The following CORO6 variants were observed in gnomAD, a reference collection of about 807,000 sequenced individuals.
CORO6 encodes the protein coronin-6.
In CORO6, 43 loss-of-function variants were observed where a neutral mutation model predicts 49.0. That is an observed-to-expected ratio of 0.88 (90% CI 0.69 to 1.13). The LOEUF is 1.13. Among genes scored for constraint, CORO6 ranks in the 50% most tolerant of loss-of-function variants. The pLI is 0.00. For synonymous variants in CORO6, 233 were observed against 256.5 expected (o/e 0.91, Z 0.88); for missense variants, 650 against 647.0 (o/e 1.00, Z -0.05).
At chr17:29,618,079 A>T in intron 5 of CORO6, 1 of 1,500,694 alleles carries the variant, frequency 6.7e-7, no homozygotes, top group Non-Finnish European at 8.8e-7. Context: ...CCGCTCACTC[A>T]TCCTGCTGAA....
Position 29,618,861 on chromosome 17 carries a change from T to C in CORO6, c.562A>G (p.Ser188Gly), listed in dbSNP as rs923411155. 4 of 1,613,896 alleles carry C rather than the reference T, an allele frequency of 2.5e-6. No homozygotes were observed. The African/African-American group carries it at 5.3e-5, about 22-fold the overall frequency. The change falls in exon 5 of 11, where the codon AGC becomes GGC. Residue 188 changes from serine to glycine, a missense_variant. By Grantham distance (56) the Ser-to-Gly change is moderately conservative. Coordinates refer to ENST00000388767, the MANE Select transcript of CORO6 (RefSeq NM_032854.4). ...IHSVCWNSNG[S>G]LLATTCKDKT... ...TCCTTGCAGGTGGTGGCTAGCAGGC[T>C]ACCGTTGCTGTTCCAGCACACACTG...
chr17:29,618,421 C>T, intron 5 of CORO6: 4 of 1,287,684 alleles, frequency 3.1e-6, no homozygotes, highest in Non-Finnish European at 3.9e-6. Flanking sequence ...GGCCCCAGAC[C>T]CTGGAAGATG....
At position 29,620,053 on chromosome 17, in the gene CORO6, C is replaced by G. The variant is rs184625815; in HGVS notation, c.199-280G>C. ...GAGATTTGAACTTTCCAGCCCAGTGCTCTTCCAAAGACACCTACTTGGAGG... is the reference window on the plus strand; with the variant it reads ...GAGATTTGAACTTTCCAGCCCAGTGGTCTTCCAAAGACACCTACTTGGAGG... On this transcript the variant is annotated intron_variant, in intron 2 of 10. Transcript: ENST00000388767. Among the ~76,000 whole-genome samples, 507 of 152,330 alleles carry G rather than the reference C, an allele frequency of 3.3e-3. 3 individuals are homozygous for G. The highest frequency in any genetic ancestry group is 4.3e-3 in the Non-Finnish European group (293 of 68,026).
chr17:29,616,369 A>G lies in CORO6; in HGVS notation c.1005-33T>C, dbSNP rs551582326. Reference sequence around the variant, plus strand: ...GGAGCAGGGTTCAGCACCCTCGCAGACTTCCACGTCCTTAACTTCTCCTGT... The same window carrying G: ...GGAGCAGGGTTCAGCACCCTCGCAGGCTTCCACGTCCTTAACTTCTCCTGT... On this transcript the variant is annotated intron_variant, in intron 8 of 10. Transcript: ENST00000388767. The surrounding 1 kb of genome is among the most constrained non-coding windows in gnomAD (Gnocchi z 5.6). 1.3e-6 allele frequency: 2 copies of G among 1,576,776 alleles called. No homozygotes were observed. The highest frequency in any genetic ancestry group is 2.3e-5 in the South Asian group (2 of 87,332).
chr17:29,616,649 A>T lies in CORO6; in HGVS notation c.1004+53T>A. ...GGAAGCCCCGTGGCTAGGACCCGAC[A>T]TGAGTGGGGGACAGAGGCGGGTAGG... On this transcript the variant is annotated intron_variant, in intron 8 of 10. Transcript: ENST00000388767. This position sits in a 1 kb window ranked among gnomAD's most constrained non-coding sequence, Gnocchi z 5.6. 8.2e-6 allele frequency: 13 copies of T among 1,593,914 alleles called. No homozygotes were observed. Among genetic ancestry groups the T allele is most frequent in the Non-Finnish European group, 8.6e-6 (10 of 1,164,586 alleles).
chr17:29,620,862 C>G (rs1190044829), intron 2 of CORO6, among the ~76,000 whole-genome samples: 1 of 152,088 alleles, frequency 6.6e-6, no homozygotes, highest in Non-Finnish European at 1.5e-5. Flanking sequence ...GGAGGAGGTT[C>G]TCCACACCCA....
chr17:29,620,422 G>A (rs2035250054), intron 2 of CORO6, among the ~76,000 whole-genome samples: 1 of 152,212 alleles, frequency 6.6e-6, no homozygotes, highest in South Asian at 2.1e-4. Context: ...GGAGGAGGCA[G>A]CTCCGGCTGA....
At chr17:29,618,179 G>A in intron 5 of CORO6, 3 of 1,358,796 alleles carry the variant, frequency 2.2e-6, no homozygotes, top group East Asian at 6.1e-5. Context: ...TGCTCGCCGG[G>A]TTAGTGGGTT....
intron 6 of CORO6, 61 bp from the exon 7 acceptor site, chr17:29,617,103 C>T (rs976816977): frequency 3.1e-6 from 5 of 1,590,108 alleles, no homozygotes; most frequent in Non-Finnish European, 4.3e-6. Context: ...CTTCGGGACC[C>T]CCAGAAGCCC....
At chr17:29,617,211 G>GCACATAGCTCCTCCTCCCCTGCA in intron 6 of CORO6, 169 bp from the exon 7 acceptor site, 2 of 1,537,420 alleles carry the variant, frequency 1.3e-6, no homozygotes, top group East Asian at 4.9e-5. Flanking sequence ...CCTCCCCTGC[G>GCACATAGCTCCTCCTCCCCTGCA]CACATAGCTC....
In CORO6 at chr17:29,622,908, A is replaced by G; in HGVS notation, c.-284T>C. 3 of 1,114,332 alleles carry G rather than the reference A, an allele frequency of 2.7e-6. No individual in the cohort carries two copies. Among genetic ancestry groups the G allele is most frequent in the East Asian group, 9.3e-5 (1 of 10,792 alleles). 69.0% of individuals were successfully genotyped at this position (1,114,332 alleles called of 1,614,324 possible). ...CAGCTGCCGCTGCCATCAACCTAAG[A>G]GGGCGGGGCTAGCATAGGGGCGGGG... On this transcript the variant is annotated 5_prime_UTR_variant, in exon 1 of 11. Transcript: ENST00000388767.
Position 29,618,790 on chromosome 17 carries a change from C to T in CORO6, c.633G>A (p.Ala211=). 1.2e-6 allele frequency: 2 copies of T among 1,613,050 alleles called. No homozygotes were observed. Among genetic ancestry groups the T allele is most frequent in the Non-Finnish European group, 1.7e-6 (2 of 1,179,696 alleles). ...IIDPRKGQVV[A]ERFAAHEGMR... ...GGGAGTGGCCAGGCCAGGCACTCACCGCCACCACTTGGCCTTTTCTGGGGT... is the reference window on the plus strand; with the variant it reads ...GGGAGTGGCCAGGCCAGGCACTCACTGCCACCACTTGGCCTTTTCTGGGGT... Residue 211 remains alanine, a splice_region_variant and synonymous_variant, in exon 5 of 11, where the codon GCG becomes GCA. Transcript: ENST00000388767.
rs773559369 is a variant in CORO6, at chr17:29,622,752, T to A, written c.-128A>T. ...CCTCTGCGGAAGGGGCCCGAGTGCG[T>A]AGGGGGCCGAGGAAGGCTTCAGGGC... On this transcript the variant is annotated 5_prime_UTR_variant, in exon 1 of 11. Coordinates refer to ENST00000388767, the MANE Select transcript of CORO6 (RefSeq NM_032854.4). The A allele has an allele frequency of 1.5e-6, 2 of 1,321,014 alleles. No individual in the cohort carries two copies. Among genetic ancestry groups the A allele is most frequent in the Non-Finnish European group, 2.0e-6 (2 of 1,000,958 alleles). 81.8% of individuals were successfully genotyped at this position (1,321,014 alleles called of 1,614,324 possible).
chr17:29,617,254 G>A, intron 6 of CORO6: 4 of 1,535,252 alleles, frequency 2.6e-6, no homozygotes, highest in Non-Finnish European at 3.5e-6. Context: ...GCTGCGCGCC[G>A]CATGCAGTCA....
At position 29,616,855 on chromosome 17, in the gene CORO6, ATCAG is replaced by A; in HGVS notation, c.859-12_859-9del. On this transcript the variant is annotated splice_polypyrimidine_tract_variant and intron_variant, in intron 7 of 10. Coordinates refer to ENST00000388767, the MANE Select transcript of CORO6 (RefSeq NM_032854.4). This position sits in a 1 kb window ranked among gnomAD's most constrained non-coding sequence, Gnocchi z 5.6. ...CCGAATGCTGCTGTCGCCCTGCAAAATCAGTCGGTTCAGGGGCGCGCCCGGACAA... is the reference window on the plus strand; with the variant it reads ...CCGAATGCTGCTGTCGCCCTGCAAAATCGGTTCAGGGGCGCGCCCGGACAA... 1 of 1,612,820 alleles carries A rather than the reference ATCAG, an allele frequency of 6.2e-7. No individual in the cohort carries two copies. The highest frequency in any genetic ancestry group is 1.1e-5 in the South Asian group (1 of 91,074).
chr17:29,617,629 G>A lies in CORO6; in HGVS notation c.634-10C>T, dbSNP rs771711028. The A allele has an allele frequency of 1.9e-6, 3 of 1,581,250 alleles. No homozygotes were observed. In the South Asian group the frequency reaches 3.4e-5, roughly 18 times the overall value. On this transcript the variant is annotated splice_polypyrimidine_tract_variant and intron_variant, in intron 5 of 10. Coordinates refer to ENST00000388767, the MANE Select transcript of CORO6 (RefSeq NM_032854.4). The stretch of plus-strand genomic sequence containing the variant: ...GGGCCGCAAACCTCTCCTGGGGGGA[G>A]GGGGAGACAGGGAGGGACATCACCC...
chr17:29,616,391 C>T lies in CORO6; in HGVS notation c.1005-55G>A. 1.3e-6 allele frequency: 2 copies of T among 1,520,996 alleles called. No individual in the cohort carries two copies. The highest frequency in any genetic ancestry group is 1.8e-6 in the Non-Finnish European group (2 of 1,128,822). 94.2% of individuals were successfully genotyped at this position (1,520,996 alleles called of 1,614,324 possible). A position where few individuals can be genotyped will look rare whatever the true frequency, so the allele number is the denominator to read the frequency against. On this transcript the variant is annotated intron_variant, in intron 8 of 10. Coordinates refer to ENST00000388767, the MANE Select transcript of CORO6 (RefSeq NM_032854.4). The surrounding 1 kb of genome is among the most constrained non-coding windows in gnomAD (Gnocchi z 5.6). ...CAGACTTCCACGTCCTTAACTTCTC[C>T]TGTCTAAGACCAAGGGGGTTGGAGG...
rs774290038 is a variant in CORO6, at chr17:29,616,205, C to T, written c.1063-30G>A. On this transcript the variant is annotated intron_variant, in intron 9 of 10. Transcript: ENST00000388767. The surrounding 1 kb of genome is among the most constrained non-coding windows in gnomAD (Gnocchi z 5.6). ...GGGGGTGGGTGGACAGGAGGACTTG[C>T]GTGAGAGGGTGCGGGGCTTGCTCCG... The T allele has an allele frequency of 3.7e-6, 6 of 1,610,110 alleles. No homozygotes were observed. Among genetic ancestry groups the T allele is most frequent in the South Asian group, 1.1e-5 (1 of 90,724 alleles).
At position 29,621,636 on chromosome 17, in the gene CORO6, G is replaced by T. The variant is rs1598648225; in HGVS notation, c.-63-152C>A. ...GGAAAGTTATTTTGCTGTGTAAAATGCTGTTTAATGTAAGTGGCTAGGATT... is the reference window on the plus strand; with the variant it reads ...GGAAAGTTATTTTGCTGTGTAAAATTCTGTTTAATGTAAGTGGCTAGGATT... On this transcript the variant is annotated intron_variant, in intron 1 of 10. Transcript: ENST00000388767. This position sits in a 1 kb window ranked among gnomAD's most constrained non-coding sequence, Gnocchi z 4.2. The T allele has an allele frequency of 1.3e-6, 1 of 783,756 alleles. No individual in the cohort carries two copies. Among genetic ancestry groups the T allele is most frequent in the Non-Finnish European group, 2.0e-6 (1 of 507,318 alleles). The allele number at this position is 783,756 out of a possible 1,614,324, so 48.6% of individuals were successfully genotyped here. A position where few individuals can be genotyped will look rare whatever the true frequency, so the allele number is the denominator to read the frequency against.
Sources: gnomAD v4.1 joint callset for allele counts (sites outside exome capture counted in the v4.1 genomes callset) on GRCh38, gnomAD v4.1.1 for gene constraint, Gnocchi (gnomAD v3.1) non-coding constraint, MANE v1.5 for transcripts, NCBI Gene and HGNC (gene_info 2026-07-23, HGNC 2026-07-21) for gene names.